APBA2: variants seen among roughly 807,000 people sequenced by gnomAD.
APBA2 encodes the protein amyloid beta precursor protein binding family A member 2.
Under a neutral mutation model 75.0 loss-of-function variants are expected in APBA2, and 30 were observed. That is an observed-to-expected ratio of 0.40 (90% CI 0.30 to 0.54). The LOEUF is 0.54. APBA2 is among the 20% of genes least tolerant of loss of function. APBA2 has a pLI of 0.49. For missense variants in APBA2, 801 were observed against 1,016.1 expected (o/e 0.79, Z 2.88); for synonymous variants, 444 against 409.6 (o/e 1.08, Z -1.01).
At chr15:29,040,488 G>A (rs904492286) in intron 3 of APBA2, among the ~76,000 whole-genome samples, 2 of 152,194 alleles carry the variant, frequency 1.3e-5, no homozygotes, top group Non-Finnish European at 2.9e-5. Flanking sequence ...CATAGCAAAG[G>A]CTTTGGATTT....
At chr15:28,977,304 A>C (rs1319724575) in intron 2 of APBA2, 2 of 151,992 alleles carry the variant, frequency 1.3e-5, no homozygotes, top group Non-Finnish European at 2.9e-5. Flanking sequence ...TCTCATTCCC[A>C]TTCATGAGGG....
chr15:28,984,932 T>TCTCTCTCC, intron 2 of APBA2, among the ~76,000 whole-genome samples: 1 of 151,280 alleles, frequency 6.6e-6, no homozygotes, highest in South Asian at 2.1e-4. Context: ...TCTCTCTCTC[T>TCTCTCTCC]CTCTCCCTCT....
At chr15:28,995,081 G>A (rs1231106724) in intron 2 of APBA2, among the ~76,000 whole-genome samples, 1 of 152,178 alleles carries the variant, frequency 6.6e-6, no homozygotes, top group Non-Finnish European at 1.5e-5. Context: ...CCTGCCCGTA[G>A]CCTTCTAATG....
chr15:29,058,930 C>G (rs1020051443), intron 4 of APBA2, among the ~76,000 whole-genome samples: 1 of 152,236 alleles, frequency 6.6e-6, no homozygotes, highest in Non-Finnish European at 1.5e-5. Flanking sequence ...AAAACACGCT[C>G]TTAGAGGTGT....
At chr15:29,074,889 A>G in intron 4 of APBA2, 32 bp from the exon 5 acceptor site, 1 of 1,607,910 alleles carries the variant, frequency 6.2e-7, no homozygotes, top group South Asian at 1.1e-5. Flanking sequence ...TCTAACATAT[A>G]AAATCACGAT....
At chr15:29,039,867 A>G (rs1344639988) in intron 3 of APBA2, among the ~76,000 whole-genome samples, 1 of 152,218 alleles carries the variant, frequency 6.6e-6, no homozygotes, top group Non-Finnish European at 1.5e-5. Context: ...TTAGAACTCA[A>G]AACTCTGAAC....
intron 2 of APBA2, among the ~76,000 whole-genome samples, chr15:28,943,733 G>A (rs965998047): frequency 1.4e-5 from 2 of 144,914 alleles, no homozygotes; most frequent in African/African-American, 5.4e-5. Flanking sequence ...GATGGCCCCG[G>A]CTCCTCCAGC....
intron 1 of APBA2, among the ~76,000 whole-genome samples, chr15:28,897,879 A>G (rs568937417): frequency 6.6e-6 from 1 of 152,190 alleles, no homozygotes; most frequent in East Asian, 1.9e-4. Flanking sequence ...AAACCTGTGA[A>G]TGTTACTTTA....
At chr15:29,055,455 G>A (rs1387334606) in intron 4 of APBA2, among the ~76,000 whole-genome samples, 6 of 152,170 alleles carry the variant, frequency 3.9e-5, no homozygotes, top group African/African-American at 1.4e-4. Flanking sequence ...CAGCATAACT[G>A]TATTTTAATT....
At position 29,117,686 on chromosome 15, in the gene APBA2, G is replaced by C. The variant is rs2045285704; in HGVS notation, c.*553G>C. The C allele has an allele frequency of 6.3e-6, 1 of 159,924 alleles. No homozygotes were observed. Among genetic ancestry groups the C allele is most frequent in the African/African-American group, 2.4e-5 (1 of 41,474 alleles). 9.9% of individuals were successfully genotyped at this position (159,924 alleles called of 1,614,324 possible). A position where few individuals can be genotyped will look rare whatever the true frequency, so the allele number is the denominator to read the frequency against. The stretch of plus-strand genomic sequence containing the variant: ...GGGACATGTGATTGATTGATTGATT[G>C]TAAATAAAGGATGATGGCCACAACA... On this transcript the variant is annotated 3_prime_UTR_variant, in exon 15 of 15. Coordinates refer to ENST00000683413, the MANE Select transcript of APBA2 (RefSeq NM_001353788.2).
chr15:29,041,281 G>A, intron 3 of APBA2, among the ~76,000 whole-genome samples: 1 of 151,998 alleles, frequency 6.6e-6, no homozygotes, highest in East Asian at 1.9e-4. Flanking sequence ...GATCGGCATG[G>A]GCAATATGGT....
At chr15:29,071,636 A>G (rs900594541) in intron 4 of APBA2, among the ~76,000 whole-genome samples, 3 of 147,730 alleles carry the variant, frequency 2.0e-5, no homozygotes, top group African/African-American at 7.6e-5. Flanking sequence ...TGGGCCTCCC[A>G]CTGTGTGAAT....
At chr15:28,985,855 C>A (rs116620030) in intron 2 of APBA2, among the ~76,000 whole-genome samples, 563 of 152,316 alleles carry the variant, frequency 3.7e-3, no homozygotes, top group African/African-American at 0.013. Flanking sequence ...CAAAGAAGGA[C>A]AGATGTGTTG....
At chr15:29,086,667 C>T (rs898325373) in intron 6 of APBA2, among the ~76,000 whole-genome samples, 14 of 152,182 alleles carry the variant, frequency 9.2e-5, no homozygotes, top group Non-Finnish European at 1.3e-4. Flanking sequence ...GATTTATTTG[C>T]ATTTACTTTT....
At chr15:29,066,087 C>T (rs900492915) in intron 4 of APBA2, among the ~76,000 whole-genome samples, 4 of 152,204 alleles carry the variant, frequency 2.6e-5, no homozygotes, top group African/African-American at 9.6e-5. Context: ...TCTGATTCTG[C>T]TTCTGGAGAC....
chr15:29,074,533 A>G (rs1038891811), intron 4 of APBA2, among the ~76,000 whole-genome samples: 2 of 152,260 alleles, frequency 1.3e-5, no homozygotes, highest in East Asian at 1.9e-4. Flanking sequence ...AGTTTGTTTA[A>G]TGGGTACAGA....
chr15:29,042,453 T>TTTCA (rs2041096182), intron 3 of APBA2, among the ~76,000 whole-genome samples: 1 of 151,986 alleles, frequency 6.6e-6, no homozygotes, highest in Admixed American at 6.6e-5. Flanking sequence ...AGAGACAGGG[T>TTTCA]TTCACTGTGT....
chr15:29,062,227 G>A (rs2042159460), intron 4 of APBA2, among the ~76,000 whole-genome samples: 2 of 152,128 alleles, frequency 1.3e-5, no homozygotes, highest in Admixed American at 6.5e-5. Context: ...CCCACCCATG[G>A]CGTCAGGCCT....
intron 2 of APBA2, among the ~76,000 whole-genome samples, chr15:28,986,600 G>T (rs772177475): frequency 9.2e-5 from 14 of 151,742 alleles, no homozygotes; most frequent in Non-Finnish European, 1.8e-4. Flanking sequence ...CCTAGTAGCT[G>T]GGATTACAGG....
Sources: allele counts gnomAD v4.1 joint callset (sites outside exome capture counted in the v4.1 genomes callset), GRCh38; gene constraint gnomAD v4.1.1; transcripts MANE v1.5; gene names NCBI Gene and HGNC (gene_info 2026-07-23, HGNC 2026-07-21).